The following CADPS2 variants were observed in gnomAD, a reference collection of about 807,000 sequenced individuals.
CADPS2 encodes calcium-dependent secretion activator 2.
In CADPS2, 93 loss-of-function variants were observed where a neutral mutation model predicts 172.5. The ratio of observed to expected loss-of-function variants is 0.54; its 90% confidence interval spans 0.46 to 0.64. The LOEUF (loss-of-function observed/expected upper bound fraction) is 0.64. CADPS2 is among the 30% of genes least tolerant of loss of function. CADPS2 has a pLI of 0.00. For missense variants in CADPS2, 1,420 were observed against 1,565.9 expected (o/e 0.91, Z 1.57); for synonymous variants, 546 against 555.2 (o/e 0.98, Z 0.23).
intron 1 of CADPS2, among the ~76,000 whole-genome samples, chr7:122,780,648 T>C (rs1589158487): frequency 6.6e-6 from 1 of 152,132 alleles, no homozygotes; most frequent in Non-Finnish European, 1.5e-5. Context: ...AGACTACATG[T>C]GTGTGTCTCC....
At chr7:122,378,154 T>C (rs904967335) in intron 25 of CADPS2, among the ~76,000 whole-genome samples, 2 of 152,196 alleles carry the variant, frequency 1.3e-5, no homozygotes, top group African/African-American at 2.4e-5. Context: ...TTAATACAGA[T>C]GTCCCATAAT....
In CADPS2 at chr7:122,471,404, T is replaced by C. The variant is rs778672176; in HGVS notation, c.2157A>G (p.Ala719=). 79 of 1,613,182 alleles carry C rather than the reference T, an allele frequency of 4.9e-5. No individual in the cohort carries two copies. In the South Asian group the frequency reaches 5.9e-4, roughly 12 times the overall value. Residue 719 remains alanine (A), a synonymous_variant, in exon 14 of 30, where the codon GCA becomes GCG. Coordinates refer to ENST00000449022, the MANE Select transcript of CADPS2 (RefSeq NM_017954.11). ...IDPTLLHYSF[A]FCASHVHGNR... is the part of the protein sequence containing the mutation. ...TGCCGTGCACATGAGAGGCACAGAA[T>C]GCAAAGCTGTAATGGAGCAGGGTAG... is the stretch of plus-strand genomic sequence containing the variant.
intron 2 of CADPS2, among the ~76,000 whole-genome samples, chr7:122,707,667 A>T (rs67210777): frequency 0.065 from 9,848 of 151,960 alleles, 355 homozygotes; most frequent in South Asian, 0.17. Context: ...TAAATGAATC[A>T]TAACGAGATC....
At chr7:122,777,285 G>A (rs2093913782) in intron 1 of CADPS2, among the ~76,000 whole-genome samples, 1 of 152,186 alleles carries the variant, frequency 6.6e-6, no homozygotes, top group Non-Finnish European at 1.5e-5. Context: ...TTGTCACCAG[G>A]TTTTTTGTAC....
chr7:122,400,294 G>A (rs1042137874), intron 20 of CADPS2, among the ~76,000 whole-genome samples: 7 of 151,688 alleles, frequency 4.6e-5, no homozygotes, highest in African/African-American at 1.7e-4. Flanking sequence ...AAAATTAGCT[G>A]GGTGTGGTGG....
chr7:122,589,584 C>T (rs955996252), intron 6 of CADPS2, among the ~76,000 whole-genome samples: 4 of 151,930 alleles, frequency 2.6e-5, no homozygotes, highest in Admixed American at 1.3e-4. Flanking sequence ...TGAAAAATGA[C>T]GAAGATAAGT....
At chr7:122,541,612 C>T (rs1563645795) in intron 8 of CADPS2, among the ~76,000 whole-genome samples, 2 of 143,154 alleles carry the variant, frequency 1.4e-5, no homozygotes, top group African/African-American at 5.1e-5. Flanking sequence ...TATATATTCA[C>T]ATATATCCAT....
intron 9 of CADPS2, among the ~76,000 whole-genome samples, chr7:122,504,652 G>A (rs1269999292): frequency 6.6e-6 from 1 of 151,978 alleles, no homozygotes; most frequent in Non-Finnish European, 1.5e-5. Context: ...CTGTAACCTC[G>A]AATTCCTGGT....
intron 14 of CADPS2, among the ~76,000 whole-genome samples, chr7:122,454,601 T>TA (rs1355626356): frequency 2.6e-5 from 4 of 152,162 alleles, no homozygotes; most frequent in African/African-American, 9.7e-5. Flanking sequence ...ATATAATGCT[T>TA]ACCATTGAAT....
At chr7:122,451,242 T>C (rs1409879819) in intron 15 of CADPS2, 132 bp downstream of exon 15, 1 of 439,536 alleles carries the variant, frequency 2.3e-6, no homozygotes, top group Non-Finnish European at 4.0e-6. Context: ...ATGTGAACCT[T>C]ACCCTGCAGG....
chr7:122,372,632 A>C (rs2041904908), intron 25 of CADPS2, among the ~76,000 whole-genome samples: 1 of 152,240 alleles, frequency 6.6e-6, no homozygotes, highest in Non-Finnish European at 1.5e-5. Context: ...CAGAACAATT[A>C]AAATATTGAA....
chr7:122,836,125 CAACATTCTTAAAGAA>C (rs1472853766), intron 1 of CADPS2, among the ~76,000 whole-genome samples: 1 of 152,160 alleles, frequency 6.6e-6, no homozygotes, highest in African/African-American at 2.4e-5. Flanking sequence ...GGCCAATATT[CAACATTCTTAAAGAA>C]AACAATTTTC....
intron 2 of CADPS2, among the ~76,000 whole-genome samples, chr7:122,719,987 G>A (rs1031307573): frequency 2.6e-5 from 4 of 151,964 alleles, no homozygotes; most frequent in African/African-American, 9.7e-5. Flanking sequence ...TTATTGGAAT[G>A]GAAACTCTAA....
intron 20 of CADPS2, 88 bp downstream of exon 20, chr7:122,407,452 G>A (rs761316633): frequency 1.5e-5 from 20 of 1,361,874 alleles, no homozygotes; most frequent in African/African-American, 4.4e-5. Flanking sequence ...TTGTCAGGCC[G>A]GTGTGAGGGC....
chr7:122,504,342 CTTTTT>C (rs2059450753), intron 9 of CADPS2, among the ~76,000 whole-genome samples: 1 of 152,158 alleles, frequency 6.6e-6, no homozygotes, highest in African/African-American at 2.4e-5. Context: ...TCACTTTATT[CTTTTT>C]GAGTCTTAGA....
chr7:122,693,524 C>A (rs2084668123), intron 2 of CADPS2, among the ~76,000 whole-genome samples: 1 of 152,176 alleles, frequency 6.6e-6, no homozygotes, highest in Admixed American at 6.5e-5. Context: ...ATACCCTGGG[C>A]AACTTCAAAA....
chr7:122,825,819 T>C (rs545795447), intron 1 of CADPS2, among the ~76,000 whole-genome samples: 6 of 152,326 alleles, frequency 3.9e-5, no homozygotes, highest in East Asian at 3.9e-4. Context: ...AACCAGTATA[T>C]TGACTTTGAT....
At chr7:122,580,147 A>G (rs1186171839) in intron 7 of CADPS2, among the ~76,000 whole-genome samples, 1 of 152,060 alleles carries the variant, frequency 6.6e-6, no homozygotes, top group Non-Finnish European at 1.5e-5. Context: ...CTTCAGGTCT[A>G]GGTAAGATAG....
chr7:122,768,791 C>T (rs906734120), intron 1 of CADPS2, among the ~76,000 whole-genome samples: 1 of 151,696 alleles, frequency 6.6e-6, no homozygotes, highest in African/African-American at 2.4e-5. Flanking sequence ...ACTGAATAGC[C>T]CAAAGACCCC....
Sources: gnomAD v4.1 joint callset for allele counts (sites outside exome capture counted in the v4.1 genomes callset) on GRCh38, gnomAD v4.1.1 for gene constraint, MANE v1.5 for transcripts, NCBI Gene and HGNC (gene_info 2026-07-23, HGNC 2026-07-21) for gene names.